MZT2B: variants seen among roughly 807,000 people sequenced by gnomAD.
The protein encoded by MZT2B is mitotic spindle organizing protein 2B.
A neutral mutation model predicts 12.1 loss-of-function variants in MZT2B; 11 were observed. That is an observed-to-expected ratio of 0.91 (90% CI 0.57 to 1.50). The LOEUF is 1.50. Ranked by LOEUF, MZT2B falls within the 40% of genes most tolerant of loss-of-function variation. MZT2B has a pLI of 0.00. For missense variants in MZT2B, 209 were observed against 227.7 expected (o/e 0.92, Z 0.53); for synonymous variants, 85 against 109.5 (o/e 0.78, Z 1.40).
At chr2:130,193,804 C>G (rs148936100), downstream of MZT2B, 2,002 of 1,609,260 alleles carry the variant, frequency 1.2e-3, 3 homozygotes, top group Non-Finnish European at 1.6e-3. Flanking sequence ...CAGTCGGGCA[C>G]CAATCCACAA....
chr2:130,199,181 T>C, the MZT2B span, among the ~76,000 whole-genome samples: 2 of 117,212 alleles, frequency 1.7e-5, 1 homozygote, highest in Non-Finnish European at 3.7e-5. Context: ...CACAGCACAC[T>C]CCAGCCTGGG....
chr2:130,204,082 T>C, the MZT2B span: 2 of 1,212,716 alleles, frequency 1.6e-6, no homozygotes, highest in Non-Finnish European at 2.2e-6. Context: ...CTGTCACTTG[T>C]AACTCTTTAA....
the MZT2B span, among the ~76,000 whole-genome samples, chr2:130,202,839 C>G: frequency 6.6e-6 from 1 of 152,082 alleles, no homozygotes; most frequent in Non-Finnish European, 1.5e-5. Context: ...CCAGTGACCT[C>G]GTCCTTCTCT....
intron 2 of MZT2B, chr2:130,184,305 G>T (rs2104722019): frequency 1.0e-6 from 1 of 985,462 alleles, no homozygotes; most frequent in Non-Finnish European, 1.2e-6. Context: ...CCCCAGGCGT[G>T]ACAAACACCT....
chr2:130,193,287 A>G (rs1275423371), downstream of MZT2B, among the ~76,000 whole-genome samples: 1 of 151,980 alleles, frequency 6.6e-6, no homozygotes, highest in Admixed American at 6.6e-5. Context: ...CCACAGATAT[A>G]TAGTGTGATG....
At chr2:130,196,296 C>T in the MZT2B span, 1 of 1,614,110 alleles carries the variant, frequency 6.2e-7, no homozygotes, top group Non-Finnish European at 8.5e-7. Context: ...ATTCCATGTT[C>T]AAGGCAGTAC....
At chr2:130,185,587 G>A (rs1437988616) in intron 2 of MZT2B, among the ~76,000 whole-genome samples, 5 of 109,376 alleles carry the variant, frequency 4.6e-5, no homozygotes, top group African/African-American at 1.9e-4. Flanking sequence ...TACAGCAGGA[G>A]GGGGGTCGGC....
At position 130,184,263 on chromosome 2, in the gene MZT2B, C is replaced by T. The variant is rs756503647; in HGVS notation, c.319+1488C>T. ...CCCTCTCCAAGGGAAGACAGCCGGC[C>T]AGAGTGCGGTGTGCTGTGCTGGAGA... is the stretch of plus-strand genomic sequence containing the variant. On this transcript the variant is annotated intron_variant, in intron 2 of 2. Transcript: ENST00000281871. The T allele has an allele frequency of 4.1e-6, 4 of 985,316 alleles. No homozygotes were observed. In the Admixed American group the frequency reaches 1.8e-4, roughly 45 times the overall value. 61.0% of individuals were successfully genotyped at this position (985,316 alleles called of 1,614,324 possible).
intron 2 of MZT2B, among the ~76,000 whole-genome samples, chr2:130,185,117 G>A (rs1246404630): frequency 1.3e-5 from 2 of 152,122 alleles, no homozygotes; most frequent in Admixed American, 1.3e-4. Context: ...AGACCATCCC[G>A]GCTAACACGG....
At chr2:130,194,365 C>T, downstream of MZT2B, 1 of 1,613,290 alleles carries the variant, frequency 6.2e-7, no homozygotes. Flanking sequence ...TGCTGTAATC[C>T]ACTGAGAGCC....
intron 2 of MZT2B, among the ~76,000 whole-genome samples, chr2:130,190,108 A>G (rs559177857): frequency 2.6e-5 from 4 of 152,196 alleles, no homozygotes; most frequent in Non-Finnish European, 5.9e-5. Flanking sequence ...CGCTGATGGC[A>G]CCATCAGGGC....
the MZT2B span, chr2:130,198,268 C>T: frequency 5.3e-5 from 69 of 1,297,804 alleles, 21 homozygotes; most frequent in East Asian, 8.4e-5. Flanking sequence ...CTCCTCTCAG[C>T]GCCCAGGCCC....
At chr2:130,198,408 G>C in the MZT2B span, 45 of 1,354,250 alleles carry the variant, frequency 3.3e-5, 10 homozygotes, top group Non-Finnish European at 4.1e-5. Flanking sequence ...ACCTCAACCG[G>C]CTGCCACAGC....
In MZT2B at chr2:130,185,570, CAA is replaced by C. The variant is rs201755903; in HGVS notation, c.319+2796_319+2797del. Among the ~76,000 whole-genome samples the C allele has an allele frequency of 4.8e-3, 509 of 105,998 alleles. 95 individuals carry two copies. The highest frequency in any genetic ancestry group is 0.019 in the African/African-American group (487 of 25,396). The allele number at this position is 105,998 out of a possible 152,430, so 69.5% of individuals were successfully genotyped here. A position where few individuals can be genotyped will look rare whatever the true frequency, so the allele number is the denominator to read the frequency against. The stretch of plus-strand genomic sequence containing the variant: ...CAGCAAGGGTTACACAGGGGGGTAA[CAA>C]GGGTTACAGCAGGAGGGGGGTCGGC... On this transcript the variant is annotated intron_variant, in intron 2 of 2. Coordinates refer to ENST00000281871, the MANE Select transcript of MZT2B (RefSeq NM_025029.5).
intron 2 of MZT2B, among the ~76,000 whole-genome samples, chr2:130,185,279 C>T (rs71422854): frequency 6.7e-6 from 1 of 148,640 alleles, no homozygotes; most frequent in South Asian, 2.1e-4. Flanking sequence ...CCACTGCACT[C>T]CAGCCTGGGG....
At chr2:130,196,042 G>A in the MZT2B span, 1 of 1,367,380 alleles carries the variant, frequency 7.3e-7, no homozygotes, top group Non-Finnish European at 9.8e-7. Flanking sequence ...GCATATGCCT[G>A]TCTATCCCAT....
At chr2:130,190,864 G>A (rs1249738444), downstream of MZT2B, 13 of 936,196 alleles carry the variant, frequency 1.4e-5, no homozygotes, top group South Asian at 5.9e-4. Context: ...TCCTGAACCT[G>A]ATTTGGGTTC....
downstream of MZT2B, chr2:130,191,947 T>G: frequency 1.9e-6 from 3 of 1,614,048 alleles, no homozygotes; most frequent in Non-Finnish European, 2.5e-6. Context: ...CCCTCTTCCA[T>G]GCCTTCGCCC....
the MZT2B span, among the ~76,000 whole-genome samples, chr2:130,198,190 G>T: frequency 8.1e-6 from 1 of 123,694 alleles, no homozygotes; most frequent in South Asian, 2.8e-4. Flanking sequence ...CCTGCCCTGG[G>T]ACCTGCAGAT....
Sources: gnomAD v4.1 joint callset for allele counts (sites outside exome capture counted in the v4.1 genomes callset) on GRCh38, gnomAD v4.1.1 for gene constraint, MANE v1.5 for transcripts, NCBI Gene and HGNC (gene_info 2026-07-23, HGNC 2026-07-21) for gene names.